Variants in LINGO2 observed in about 807,000 individuals in gnomAD.
LINGO2 encodes the protein leucine-rich repeat and immunoglobulin-like domain-containing nogo receptor-interacting protein 2.
LINGO2 carries 14 observed loss-of-function variants against 30.6 expected under a neutral mutation model. The observed-to-expected ratio is 0.46, with a 90% CI of 0.30 to 0.72. The LOEUF (loss-of-function observed/expected upper bound fraction) is 0.72, where lower values mean the gene tolerates loss of function less well. Ranked by LOEUF, LINGO2 falls within the 30% of genes least tolerant of loss-of-function variation. LINGO2 has a pLI of 0.07. For synonymous variants in LINGO2, 317 were observed against 288.5 expected, an observed-to-expected ratio of 1.10 and a Z score of -1.00; for missense variants, 729 against 751.7, an observed-to-expected ratio of 0.97 and a Z score of 0.35.
At chr9:28,512,710 A>C (rs1359304951) in intron 1 of LINGO2, among the ~76,000 whole-genome samples, 1 of 145,858 alleles carries the variant, frequency 6.9e-6, no homozygotes, top group Non-Finnish European at 1.5e-5. Flanking sequence ...GGAATTTATT[A>C]AGTATTAGTT....
chr9:28,076,774 C>T (rs1487539359), intron 4 of LINGO2, among the ~76,000 whole-genome samples: 1 of 152,036 alleles, frequency 6.6e-6, no homozygotes, highest in Non-Finnish European at 1.5e-5. Flanking sequence ...ATTAAAGGTC[C>T]ATTCCACTGG....
At chr9:29,043,077 A>G in the LINGO2 span, among the ~76,000 whole-genome samples, 1 of 151,944 alleles carries the variant, frequency 6.6e-6, no homozygotes, top group African/African-American at 2.4e-5. Flanking sequence ...AATAATCTCA[A>G]GAAACAGTTT....
chr9:28,735,277 T>C, the LINGO2 span, among the ~76,000 whole-genome samples: 14 of 152,144 alleles, frequency 9.2e-5, no homozygotes, highest in African/African-American at 3.4e-4. Flanking sequence ...CAAAGTGAAG[T>C]CTAGCACATA....
At chr9:28,850,532 A>T in the LINGO2 span, among the ~76,000 whole-genome samples, 1 of 152,106 alleles carries the variant, frequency 6.6e-6, no homozygotes, top group South Asian at 2.1e-4. Context: ...GACAAAAAAG[A>T]CATACATAAA....
At chr9:29,136,760 A>G in the LINGO2 span, among the ~76,000 whole-genome samples, 2 of 152,094 alleles carry the variant, frequency 1.3e-5, no homozygotes, top group Non-Finnish European at 2.9e-5. Flanking sequence ...GTCCATAACC[A>G]CGGCTTCAAA....
chr9:28,356,730 C>G (rs1370223383), intron 3 of LINGO2, among the ~76,000 whole-genome samples: 1 of 152,122 alleles, frequency 6.6e-6, no homozygotes, highest in East Asian at 1.9e-4. Flanking sequence ...ATCCCCATGA[C>G]AGGTGGTCAC....
At chr9:27,943,871 C>T (rs62541087), downstream of LINGO2, 4,894 of 152,126 alleles carry the variant, frequency 0.032, 94 homozygotes, top group South Asian at 0.045. Context: ...TGCTCTTTTT[C>T]TCCTTCCTAT....
chr9:28,700,279 T>A, the LINGO2 span, among the ~76,000 whole-genome samples: 1 of 152,062 alleles, frequency 6.6e-6, no homozygotes, highest in Non-Finnish European at 1.5e-5. Context: ...GTTCCCCCGA[T>A]ACCACCTATT....
chr9:28,454,774 C>A (rs1036644555), intron 2 of LINGO2, among the ~76,000 whole-genome samples: 1 of 151,918 alleles, frequency 6.6e-6, no homozygotes, highest in Non-Finnish European at 1.5e-5. Flanking sequence ...TGACAGATAT[C>A]ATAGAAAATG....
At chr9:28,051,347 C>G (rs570038131) in intron 4 of LINGO2, among the ~76,000 whole-genome samples, 1 of 152,168 alleles carries the variant, frequency 6.6e-6, no homozygotes, top group African/African-American at 2.4e-5. Context: ...AAAAATTTAA[C>G]AGCATTTTAC....
At chr9:29,116,541 T>C in the LINGO2 span, among the ~76,000 whole-genome samples, 1 of 152,114 alleles carries the variant, frequency 6.6e-6, no homozygotes, top group African/African-American at 2.4e-5. Context: ...AAAAGACTCA[T>C]CTTTACTTTA....
chr9:28,847,170 C>G, the LINGO2 span, among the ~76,000 whole-genome samples: 2 of 148,184 alleles, frequency 1.3e-5, no homozygotes, highest in African/African-American at 5.1e-5. Context: ...ACAGACTTGC[C>G]CATTATGCTC....
the LINGO2 span, among the ~76,000 whole-genome samples, chr9:29,094,374 A>G: frequency 1.4e-5 from 2 of 139,300 alleles, 1 homozygote; most frequent in Non-Finnish European, 3.1e-5. Context: ...AGAAGATGTT[A>G]TATGGCCTTT....
At chr9:29,114,476 A>G in the LINGO2 span, among the ~76,000 whole-genome samples, 4 of 150,438 alleles carry the variant, frequency 2.7e-5, no homozygotes, top group African/African-American at 9.8e-5. Flanking sequence ...ATATGTATAC[A>G]TGTACCATGT....
rs367626050 is a variant in LINGO2 at position 28,252,716 on chromosome 9, T to C, written c.-87+42492A>G. ...GAAAATATTACCCTATAAAGAACTT[T>C]AGAAATGATTTTCTTCAACTCTTAC... On this transcript the variant is annotated intron_variant, in intron 4 of 5. Transcript: ENST00000379992. 1.1e-3 allele frequency among the ~76,000 whole-genome samples: 166 copies of C among 152,154 alleles called. 3 individuals carry two copies. The South Asian group carries it at 0.014, about 13-fold the overall frequency.
At chr9:28,818,139 G>T in the LINGO2 span, among the ~76,000 whole-genome samples, 23 of 152,148 alleles carry the variant, frequency 1.5e-4, no homozygotes, top group African/African-American at 5.1e-4. Flanking sequence ...CTAAGACCTG[G>T]TTAATGCAGC....
intron 1 of LINGO2, among the ~76,000 whole-genome samples, chr9:28,479,446 T>C (rs1339596130): frequency 1.3e-5 from 2 of 151,960 alleles, no homozygotes; most frequent in African/African-American, 4.8e-5. Flanking sequence ...GGAAATGTCA[T>C]TATAAATTTT....
chr9:28,432,602 G>A (rs894420579), intron 2 of LINGO2, among the ~76,000 whole-genome samples: 1 of 151,980 alleles, frequency 6.6e-6, no homozygotes, highest in African/African-American at 2.4e-5. Context: ...ATTCACATGG[G>A]TTAATTTGAT....
intron 4 of LINGO2, among the ~76,000 whole-genome samples, chr9:28,174,898 C>CTGTGTGTGTGTGTGTG (rs66472807): frequency 2.3e-4 from 33 of 141,010 alleles, no homozygotes; most frequent in Non-Finnish European, 4.1e-4. Context: ...ATTTGTGTCT[C>CTGTGTGTGTGTGTGTG]TGTGTGTGTG....
Sources: allele counts gnomAD v4.1 joint callset (sites outside exome capture counted in the v4.1 genomes callset), GRCh38; gene constraint gnomAD v4.1.1; transcripts MANE v1.5; gene names NCBI Gene and HGNC (gene_info 2026-07-23, HGNC 2026-07-21).